The following MICU2 variants were observed in gnomAD, a reference collection of about 807,000 sequenced individuals.
MICU2 encodes calcium uptake protein 2, mitochondrial.
MICU2 carries 64 observed loss-of-function variants against 60.4 expected under a neutral mutation model. The ratio of observed to expected loss-of-function variants is 1.06; its 90% CI spans 0.87 to 1.31. MICU2 has a LOEUF of 1.31. MICU2 is among the 50% of genes most tolerant of loss of function. The probability of loss-of-function intolerance (pLI) is 0.00; values close to 1 mark genes in which losing one functional copy is unlikely to be tolerated. For missense variants in MICU2, 569 were observed against 531.0 expected, an observed-to-expected ratio of 1.07 and a Z score of -0.70; for synonymous variants, 201 against 175.0, an observed-to-expected ratio of 1.15 and a Z score of -1.17.
At chr13:21,589,239 T>C (rs1392224374) in intron 1 of MICU2, among the ~76,000 whole-genome samples, 2 of 152,170 alleles carry the variant, frequency 1.3e-5, no homozygotes, top group Non-Finnish European at 2.9e-5. Flanking sequence ...GCTAGAAAAG[T>C]GGTTTGGTAA....
chr13:21,568,577 C>T (rs549873177), intron 1 of MICU2, among the ~76,000 whole-genome samples: 13 of 152,324 alleles, frequency 8.5e-5, no homozygotes, highest in Non-Finnish European at 1.2e-4. Context: ...TTTCAACCAA[C>T]AACTTGATCC....
At chr13:21,589,809 C>T (rs997685714) in intron 1 of MICU2, among the ~76,000 whole-genome samples, 1 of 152,102 alleles carries the variant, frequency 6.6e-6, no homozygotes, top group African/African-American at 2.4e-5. Flanking sequence ...TTAAATTACC[C>T]AATTGAAATT....
At position 21,496,062 on chromosome 13, in the gene MICU2, A is replaced by G. The variant is rs1183698597; in HGVS notation, c.1032T>C (p.Pro344=). The G allele has an allele frequency of 1.9e-6, 3 of 1,612,222 alleles. No homozygotes were observed. In the Admixed American group the frequency reaches 5.0e-5, roughly 27 times the overall value. ...AMQMFSLAHR[P]VRLAEFKRAV... ...TTTCATATAACTTACCTAGTCTGAC[A>G]GGACGATGAGCTAAACTGAACATCT... Residue 344 remains proline (P), a synonymous_variant, in exon 10 of 12, where the codon CCT becomes CCC. Transcript: ENST00000382374.
chr13:21,523,901 A>C (rs1329489028), intron 4 of MICU2, among the ~76,000 whole-genome samples: 1 of 152,226 alleles, frequency 6.6e-6, no homozygotes, highest in Non-Finnish European at 1.5e-5. Context: ...TGGAACTGCC[A>C]GAAGCCAGTA....
intron 4 of MICU2, among the ~76,000 whole-genome samples, chr13:21,530,180 G>A (rs182071487): frequency 1.3e-4 from 20 of 152,322 alleles, no homozygotes; most frequent in Non-Finnish European, 2.6e-4. Flanking sequence ...ATGTAGGAAT[G>A]TAAGTTGATT....
chr13:21,586,479 T>C (rs1416241122), intron 1 of MICU2, among the ~76,000 whole-genome samples: 1 of 152,152 alleles, frequency 6.6e-6, no homozygotes, highest in Non-Finnish European at 1.5e-5. Context: ...GTGATCATGG[T>C]TCATTGCAGC....
intron 2 of MICU2, among the ~76,000 whole-genome samples, chr13:21,560,285 T>C (rs1566160925): frequency 6.6e-6 from 1 of 152,188 alleles, no homozygotes; most frequent in Non-Finnish European, 1.5e-5. Context: ...CTTTGAAAAA[T>C]GTTTGCTTGT....
intron 2 of MICU2, among the ~76,000 whole-genome samples, chr13:21,565,018 C>T (rs1251767731): frequency 1.3e-5 from 2 of 152,182 alleles, no homozygotes; most frequent in Admixed American, 1.3e-4. Flanking sequence ...ATCTGCTTGC[C>T]TTCAGTTTCC....
At chr13:21,539,530 C>T (rs34005684) in intron 3 of MICU2, 127 bp downstream of exon 3, 342,403 of 1,345,846 alleles carry the variant, frequency 0.25, 49,860 homozygotes, top group Non-Finnish European at 0.3. Flanking sequence ...GATCTCCTGA[C>T]CTCGTGATCC....
chr13:21,557,454 A>C lies in MICU2; in HGVS notation c.358+9343T>G, dbSNP rs570617931. On this transcript the variant is annotated intron_variant, in intron 2 of 11. Transcript: ENST00000382374. ...CTGATTTCCCTCAAGCCTACCAAGG[A>C]AACAGGAAGAATGAGTATCTACTTG... 3.3e-5 allele frequency among the ~76,000 whole-genome samples: 5 copies of C among 152,318 alleles called. No homozygotes were observed. The East Asian group carries it at 9.6e-4, about 29-fold the overall frequency.
chr13:21,502,970 C>A lies in MICU2; in HGVS notation c.889G>T (p.Asp297Tyr). The A allele has an allele frequency of 6.2e-7, 1 of 1,612,022 alleles. No homozygotes were observed. Among genetic ancestry groups the A allele is most frequent in the Non-Finnish European group, 8.5e-7 (1 of 1,179,476 alleles). The change falls in exon 9 of 12, where the codon GAT (aspartate) becomes TAT (tyrosine). Residue 297 changes from aspartate (D) to tyrosine (Y), a missense_variant. Physicochemically the swap from Asp to Tyr is radical, Grantham distance 160. Coordinates refer to ENST00000382374, the MANE Select transcript of MICU2 (RefSeq NM_152726.3). ...TCTCTCACATTTTTCCAATAAATAT[C>A]TTTATTTTCAGTGTTAGTGAAAAAA... is the stretch of plus-strand genomic sequence containing the variant. ...LLFFTNTENK[D>Y]IYWKNVREKL... is the part of the protein sequence containing the mutation.
At chr13:21,556,094 C>T (rs1456381755) in intron 2 of MICU2, among the ~76,000 whole-genome samples, 1 of 152,154 alleles carries the variant, frequency 6.6e-6, no homozygotes, top group African/African-American at 2.4e-5. Context: ...TGGCAAGCCA[C>T]TCTGGAGTCT....
intron 2 of MICU2, among the ~76,000 whole-genome samples, chr13:21,561,774 A>G (rs1303491787): frequency 1.6e-5 from 2 of 126,276 alleles, no homozygotes; most frequent in Admixed American, 8.5e-5. Flanking sequence ...TGCAGGTTAC[A>G]TATGTATACA....
At chr13:21,499,005 C>T (rs1886075244) in intron 9 of MICU2, among the ~76,000 whole-genome samples, 1 of 152,168 alleles carries the variant, frequency 6.6e-6, no homozygotes, top group Non-Finnish European at 1.5e-5. Flanking sequence ...GTCTGGAGTG[C>T]AGTGGCGTGA....
chr13:21,570,778 T>C (rs1888089470), intron 1 of MICU2, among the ~76,000 whole-genome samples: 1 of 152,230 alleles, frequency 6.6e-6, no homozygotes, highest in African/African-American at 2.4e-5. Flanking sequence ...AGAAGTCATG[T>C]CTTCTGAGTT....
chr13:21,509,650 T>A (rs1886377100), intron 8 of MICU2, among the ~76,000 whole-genome samples: 1 of 152,204 alleles, frequency 6.6e-6, no homozygotes, highest in Admixed American at 6.5e-5. Flanking sequence ...ACTCAAAGAC[T>A]CACAAAAATA....
At chr13:21,530,352 T>G (rs532062790) in intron 4 of MICU2, among the ~76,000 whole-genome samples, 18 of 152,286 alleles carry the variant, frequency 1.2e-4, no homozygotes, top group Non-Finnish European at 2.1e-4. Flanking sequence ...TTCCTCTATT[T>G]CTCGTATGAA....
rs764302608 is a variant in MICU2 at position 21,566,761 on chromosome 13, A to AT, written c.358+35dup. 2.3e-5 allele frequency: 35 copies of AT among 1,499,084 alleles called. No individual in the cohort carries two copies. The East Asian group carries it at 5.4e-4, about 23-fold the overall frequency. 92.9% of individuals were successfully genotyped at this position (1,499,084 alleles called of 1,614,324 possible). A position where few individuals can be genotyped will look rare whatever the true frequency, so the allele number is the denominator to read the frequency against. ...ACAGGTTTTTCAGCCCTGAAGTCTG[A>AT]TTTTTTTAATTAAAAAAAAAAAAGA... On this transcript the variant is annotated intron_variant, in intron 2 of 11. Transcript: ENST00000382374.
At chr13:21,565,716 C>A (rs1317863020) in intron 2 of MICU2, among the ~76,000 whole-genome samples, 5 of 152,030 alleles carry the variant, frequency 3.3e-5, no homozygotes, top group African/African-American at 1.2e-4. Context: ...ACCTGTAATC[C>A]CAGCTACTCG....
Sources: allele counts gnomAD v4.1 joint callset (sites outside exome capture counted in the v4.1 genomes callset), GRCh38; gene constraint gnomAD v4.1.1; transcripts MANE v1.5; gene names NCBI Gene and HGNC (gene_info 2026-07-23, HGNC 2026-07-21).